The following GALNT17 variants were observed in gnomAD, a reference collection of about 807,000 sequenced individuals.
The protein encoded by GALNT17 is polypeptide N-acetylgalactosaminyltransferase 17.
GALNT17 carries 29 observed loss-of-function variants against 63.7 expected under a neutral mutation model. The observed-to-expected ratio is 0.46, with a 90% CI of 0.34 to 0.62. The LOEUF (loss-of-function observed/expected upper bound fraction) is 0.62. Ranked by LOEUF, GALNT17 falls within the 20% of genes least tolerant of loss-of-function variation. GALNT17 has a pLI of 0.01. For missense variants in GALNT17, 603 were observed against 799.6 expected (o/e 0.75, Z 2.97); for synonymous variants, 305 against 318.3 (o/e 0.96, Z 0.45).
In GALNT17 at chr7:71,132,649, T is replaced by A. The variant is rs766864439; in HGVS notation, c.-154T>A. 1.7e-5 allele frequency: 11 copies of A among 629,286 alleles called. No individual in the cohort carries two copies. The highest frequency in any genetic ancestry group is 7.7e-4 in the Middle Eastern group (2 of 2,610). The allele number at this position is 629,286 out of a possible 1,614,324, so 39.0% of individuals were successfully genotyped here. A position where few individuals can be genotyped will look rare whatever the true frequency, so the allele number is the denominator to read the frequency against. The stretch of plus-strand genomic sequence containing the variant: ...CCACCAATCCGACCTCCCAGCCGTC[T>A]CCGCCGCCCGAGCATCCTTGAGGTG... On this transcript the variant is annotated 5_prime_UTR_variant, in exon 1 of 11. Transcript: ENST00000333538.
intron 6 of GALNT17, among the ~76,000 whole-genome samples, chr7:71,630,414 C>T (rs1790438881): frequency 6.6e-6 from 1 of 152,204 alleles, no homozygotes; most frequent in Non-Finnish European, 1.5e-5. Flanking sequence ...GCCCCCAGTG[C>T]ACTGATCCCC....
At chr7:71,213,730 C>A (rs1410672477) in intron 1 of GALNT17, among the ~76,000 whole-genome samples, 1 of 152,150 alleles carries the variant, frequency 6.6e-6, no homozygotes, top group Non-Finnish European at 1.5e-5. Context: ...ATATTTGGAT[C>A]ATCTTCTGTC....
chr7:71,558,791 A>G (rs1006063715), intron 5 of GALNT17, among the ~76,000 whole-genome samples: 1 of 152,212 alleles, frequency 6.6e-6, no homozygotes. Context: ...GCTTATAGGG[A>G]ATATCTTACT....
intron 8 of GALNT17, among the ~76,000 whole-genome samples, chr7:71,670,851 G>GT: frequency 6.6e-6 from 1 of 151,714 alleles, no homozygotes; most frequent in African/African-American, 2.4e-5. Context: ...CAGAGATAAC[G>GT]TGTACACTTT....
At chr7:71,282,759 G>T (rs1182188901) in intron 1 of GALNT17, among the ~76,000 whole-genome samples, 1 of 151,912 alleles carries the variant, frequency 6.6e-6, no homozygotes, top group Non-Finnish European at 1.5e-5. Context: ...AAGCAGATAT[G>T]GTAGGGGGAG....
chr7:71,445,485 C>T (rs2116532182), intron 5 of GALNT17, among the ~76,000 whole-genome samples: 1 of 151,732 alleles, frequency 6.6e-6, no homozygotes, highest in East Asian at 2.0e-4. Context: ...GTGTGAGCCA[C>T]TGCGCCCGGC....
At chr7:71,381,542 GC>G (rs1349665010) in intron 2 of GALNT17, among the ~76,000 whole-genome samples, 1 of 152,124 alleles carries the variant, frequency 6.6e-6, no homozygotes, top group African/African-American at 2.4e-5. Context: ...ACTTTGAGAG[GC>G]CGAGGCGGGC....
At chr7:71,557,408 G>A (rs560712150) in intron 5 of GALNT17, among the ~76,000 whole-genome samples, 58 of 152,318 alleles carry the variant, frequency 3.8e-4, no homozygotes, top group Non-Finnish European at 7.2e-4. Context: ...GGAAGTTGAA[G>A]AGGGATTATT....
chr7:71,299,784 G>A (rs1791159923), intron 1 of GALNT17, among the ~76,000 whole-genome samples: 1 of 151,610 alleles, frequency 6.6e-6, no homozygotes, highest in Admixed American at 6.6e-5. Context: ...TTTTTTAATT[G>A]AGATGGAGTC....
intron 9 of GALNT17, among the ~76,000 whole-genome samples, chr7:71,699,001 G>C (rs1791586405): frequency 6.6e-6 from 1 of 151,506 alleles, no homozygotes; most frequent in Non-Finnish European, 1.5e-5. Flanking sequence ...GTGAAACCCT[G>C]TCTCTACTAA....
At chr7:71,691,355 A>G (rs1791440551) in intron 9 of GALNT17, among the ~76,000 whole-genome samples, 1 of 152,224 alleles carries the variant, frequency 6.6e-6, no homozygotes, top group South Asian at 2.1e-4. Flanking sequence ...TGCACACTTA[A>G]TAGTCTACAG....
At chr7:71,417,825 C>A (rs1302163959) in intron 4 of GALNT17, among the ~76,000 whole-genome samples, 2 of 152,192 alleles carry the variant, frequency 1.3e-5, no homozygotes, top group Admixed American at 6.6e-5. Context: ...ATGTCCCTTT[C>A]CCTTGATTTT....
At chr7:71,184,481 C>G (rs1289619281) in intron 1 of GALNT17, among the ~76,000 whole-genome samples, 1 of 152,212 alleles carries the variant, frequency 6.6e-6, no homozygotes, top group African/African-American at 2.4e-5. Context: ...TTCACCAACA[C>G]ACACTTTACT....
intron 6 of GALNT17, among the ~76,000 whole-genome samples, chr7:71,618,603 A>T (rs1180013513): frequency 6.6e-6 from 1 of 152,010 alleles, no homozygotes; most frequent in East Asian, 1.9e-4. Flanking sequence ...TGGCTCACTT[A>T]TATGTCTTCT....
chr7:71,650,559 T>A (rs1030459689), intron 6 of GALNT17, among the ~76,000 whole-genome samples: 1 of 152,222 alleles, frequency 6.6e-6, no homozygotes, highest in Admixed American at 6.5e-5. Context: ...CTTTAAAGGA[T>A]GTGGACAGAC....
chr7:71,215,154 C>T lies in GALNT17; in HGVS notation c.238+82114C>T, dbSNP rs115475872. Among the ~76,000 whole-genome samples the T allele has an allele frequency of 6.3e-3, 954 of 152,294 alleles. 13 individuals are homozygous for T. Among genetic ancestry groups the T allele is most frequent in the African/African-American group, 0.021 (873 of 41,570 alleles). ...TTTTCGGGAATGAATGCCAAGTGTT[C>T]TCTGCATAACACTGTTTGAATCTTG... On this transcript the variant is annotated intron_variant, in intron 1 of 10. Coordinates refer to ENST00000333538, the MANE Select transcript of GALNT17 (RefSeq NM_022479.3).
chr7:71,355,078 C>G (rs1318719070), intron 2 of GALNT17, among the ~76,000 whole-genome samples: 2 of 152,064 alleles, frequency 1.3e-5, no homozygotes, highest in East Asian at 3.8e-4. Flanking sequence ...TTTGTGCTTT[C>G]TCTTTTTTCC....
At chr7:71,560,109 G>A (rs919332021) in intron 5 of GALNT17, among the ~76,000 whole-genome samples, 4 of 144,998 alleles carry the variant, frequency 2.8e-5, no homozygotes, top group African/African-American at 7.6e-5. Context: ...CAGGAGAATC[G>A]CTTGAATCCG....
chr7:71,403,232 A>G (rs1793270593), intron 3 of GALNT17, among the ~76,000 whole-genome samples: 1 of 152,220 alleles, frequency 6.6e-6, no homozygotes, highest in Non-Finnish European at 1.5e-5. Context: ...GGTTCACAGA[A>G]AGTTGCAAAG....
Sources: gnomAD v4.1 joint callset for allele counts (sites outside exome capture counted in the v4.1 genomes callset) on GRCh38, gnomAD v4.1.1 for gene constraint, MANE v1.5 for transcripts, NCBI Gene and HGNC (gene_info 2026-07-23, HGNC 2026-07-21) for gene names.